The following EEF2K variants were observed in gnomAD, a reference collection of about 807,000 sequenced individuals.
EEF2K encodes eukaryotic elongation factor 2 kinase.
Under a neutral mutation model 93.8 loss-of-function variants are expected in EEF2K, and 70 were observed. That is an observed-to-expected ratio of 0.75 (90% confidence interval 0.62 to 0.91). The LOEUF is 0.91. EEF2K is among the 40% of genes least tolerant of loss of function. The pLI, the probability that EEF2K is intolerant of heterozygous loss-of-function variation, is 0.00. For synonymous variants in EEF2K, 376 were observed against 380.8 expected, an observed-to-expected ratio of 0.99 and a Z score of 0.15; for missense variants, 935 against 972.9, an observed-to-expected ratio of 0.96 and a Z score of 0.52.
chr16:22,278,764 G>A (rs373176895), intron 16 of EEF2K, among the ~76,000 whole-genome samples: 3 of 152,032 alleles, frequency 2.0e-5, no homozygotes, highest in East Asian at 3.9e-4. Flanking sequence ...AGAGCCCTCC[G>A]CCCTGTTTGC....
intron 17 of EEF2K, among the ~76,000 whole-genome samples, chr16:22,282,371 T>A (rs903640479): frequency 6.6e-6 from 1 of 152,152 alleles, no homozygotes; most frequent in African/African-American, 2.4e-5. Flanking sequence ...GCTGTCTCTT[T>A]TGCTTCCTAA....
At chr16:22,262,211 T>A (rs897400967) in intron 11 of EEF2K, among the ~76,000 whole-genome samples, 2 of 151,800 alleles carry the variant, frequency 1.3e-5, no homozygotes, top group Non-Finnish European at 2.9e-5. Flanking sequence ...CCTGGGAGAA[T>A]AAAAAATATG....
intron 2 of EEF2K, among the ~76,000 whole-genome samples, chr16:22,229,182 T>C (rs927470051): frequency 2.0e-5 from 3 of 152,110 alleles, no homozygotes; most frequent in African/African-American, 7.2e-5. Flanking sequence ...GTGGAAGGTT[T>C]CCGTCTCAAG....
intron 1 of EEF2K, among the ~76,000 whole-genome samples, chr16:22,220,351 C>T (rs2046998656): frequency 6.6e-6 from 1 of 152,238 alleles, no homozygotes; most frequent in African/African-American, 2.4e-5. Context: ...CCGAGCTCCC[C>T]ACACTGTAAG....
chr16:22,207,451 T>C (rs2046874203), intron 1 of EEF2K, among the ~76,000 whole-genome samples: 1 of 152,138 alleles, frequency 6.6e-6, no homozygotes, highest in African/African-American at 2.4e-5. Context: ...GAATTCTAGC[T>C]CATTTATGCT....
At chr16:22,217,233 A>G (rs1423590842) in intron 1 of EEF2K, among the ~76,000 whole-genome samples, 1 of 149,204 alleles carries the variant, frequency 6.7e-6, no homozygotes, top group Non-Finnish European at 1.5e-5. Context: ...ATAGATAGAG[A>G]GAGAGAGAGA....
chr16:22,217,607 C>T (rs1360935494), intron 1 of EEF2K, among the ~76,000 whole-genome samples: 4 of 152,118 alleles, frequency 2.6e-5, no homozygotes, highest in Admixed American at 2.0e-4. Context: ...CTCGTGCCAC[C>T]ATGCCCCGCT....
intron 6 of EEF2K, 48 bp from the exon 7 acceptor site, chr16:22,256,700 G>T (rs778036162): frequency 1.3e-6 from 2 of 1,591,156 alleles, no homozygotes; most frequent in African/African-American, 1.3e-5. Flanking sequence ...CTTCTCAGAG[G>T]AGGTGCGCCT....
chr16:22,248,056 TA>T (rs2047312791), intron 3 of EEF2K, among the ~76,000 whole-genome samples: 1 of 151,978 alleles, frequency 6.6e-6, no homozygotes, highest in South Asian at 2.1e-4. Flanking sequence ...TTTTTATTTT[TA>T]TTTTTATTTT....
At chr16:22,278,728 C>T (rs561863193) in intron 16 of EEF2K, among the ~76,000 whole-genome samples, 19 of 152,254 alleles carry the variant, frequency 1.2e-4, no homozygotes, top group Admixed American at 2.6e-4. Context: ...TAAATAGTTA[C>T]TCACACGGAT....
In EEF2K at chr16:22,209,867, A is replaced by G. The variant is rs370266805; in HGVS notation, c.-77+3188A>G. On this transcript the variant is annotated intron_variant, in intron 1 of 17. Coordinates refer to ENST00000263026, the MANE Select transcript of EEF2K (RefSeq NM_013302.5). The stretch of plus-strand genomic sequence containing the variant: ...CGGTGCAGTGGCACAGTCACAGCTC[A>G]CTGCAGCCTGGAACTCCTCGGCTCA... Among the ~76,000 whole-genome samples the G allele has an allele frequency of 1.1e-4, 16 of 152,292 alleles. No individual in the cohort carries two copies. In the East Asian group the frequency reaches 1.9e-3, roughly 18 times the overall value.
intron 11 of EEF2K, 56 bp downstream of exon 11, chr16:22,260,585 G>T: frequency 6.2e-7 from 1 of 1,600,958 alleles, no homozygotes; most frequent in East Asian, 2.2e-5. Flanking sequence ...GGTAGGAGTG[G>T]ATTCACTCCC....
chr16:22,284,344 G>GGA lies in EEF2K; in HGVS notation c.*348_*349insGA. 2 of 236,714 alleles carry GGA rather than the reference G, an allele frequency of 8.4e-6. No individual in the cohort carries two copies. The highest frequency in any genetic ancestry group is 1.7e-5 in the Non-Finnish European group (2 of 117,610). 14.7% of individuals were successfully genotyped at this position (236,714 alleles called of 1,614,324 possible). ...CACCCAGGCTGGAGTGCAGTGACATGATCTTAGCTCACTGCAACCTCCGCC... is the reference window on the plus strand; with the variant it reads ...CACCCAGGCTGGAGTGCAGTGACATGGAATCTTAGCTCACTGCAACCTCCGCC... On this transcript the variant is annotated 3_prime_UTR_variant, in exon 18 of 18. Transcript: ENST00000263026.
chr16:22,283,761 A>G, intron 17 of EEF2K, 126 bp from the exon 18 acceptor site: 1 of 871,174 alleles, frequency 1.1e-6, no homozygotes, highest in Non-Finnish European at 1.8e-6. Context: ...GGGAGAGGGC[A>G]CACGGAGTAG....
chr16:22,236,440 A>C (rs1454021625), intron 2 of EEF2K, among the ~76,000 whole-genome samples: 1 of 151,300 alleles, frequency 6.6e-6, no homozygotes, highest in Non-Finnish European at 1.5e-5. Flanking sequence ...ATGCCTGGCT[A>C]ATTTTTTGTA....
intron 3 of EEF2K, among the ~76,000 whole-genome samples, chr16:22,246,515 TAAAAAA>T (rs746408835): frequency 3.3e-4 from 23 of 70,500 alleles, no homozygotes; most frequent in African/African-American, 5.0e-4. Context: ...GACTCAGTCT[TAAAAAA>T]AAAAAAAAAA....
rs769468338 is a variant in EEF2K, at chr16:22,234,541, G to GA, written c.246+8581dup. Among the ~76,000 whole-genome samples the GA allele has an allele frequency of 4.9e-3, 655 of 134,792 alleles. 1 individual carries two copies. Among genetic ancestry groups the GA allele is most frequent in the Middle Eastern group, 0.019 (5 of 270 alleles). The allele number at this position is 134,792 out of a possible 152,430, so 88.4% of individuals were successfully genotyped here. ...CACTGCACTCCAGCCTGGGCAACAGGAAAAAAAAAAAAAAATTTTAGCAGT... is the reference window on the plus strand; with the variant it reads ...CACTGCACTCCAGCCTGGGCAACAGGAAAAAAAAAAAAAAAATTTTAGCAGT... On this transcript the variant is annotated intron_variant, in intron 2 of 17. Coordinates refer to ENST00000263026, the MANE Select transcript of EEF2K (RefSeq NM_013302.5).
At chr16:22,266,354 A>G (rs1215504690) in intron 13 of EEF2K, 36 bp from the exon 14 acceptor site, 3 of 1,594,406 alleles carry the variant, frequency 1.9e-6, no homozygotes, top group Non-Finnish European at 1.7e-6. Context: ...GTCCACCCCC[A>G]GCCCCTCGCT....
At chr16:22,265,023 C>G (rs2047503748) in intron 13 of EEF2K, 143 bp downstream of exon 13, 1 of 916,812 alleles carries the variant, frequency 1.1e-6, no homozygotes, top group Non-Finnish European at 1.7e-6. Context: ...AGCAGCAAAT[C>G]TGGGCAAATG....
Sources: gnomAD v4.1 joint callset for allele counts (sites outside exome capture counted in the v4.1 genomes callset) on GRCh38, gnomAD v4.1.1 for gene constraint, MANE v1.5 for transcripts, NCBI Gene and HGNC (gene_info 2026-07-23, HGNC 2026-07-21) for gene names.